The following ADGRA2 variants were observed in gnomAD, a reference collection of about 807,000 sequenced individuals.
The protein encoded by ADGRA2 is G-protein coupled receptor 124.
Under a neutral mutation model 98.7 loss-of-function variants are expected in ADGRA2, and 61 were observed. The observed-to-expected ratio is 0.62, with a 90% confidence interval of 0.50 to 0.76. ADGRA2 has a LOEUF of 0.76. Ranked by LOEUF, ADGRA2 falls within the 30% of genes least tolerant of loss-of-function variation. The probability of loss-of-function intolerance (pLI) is 0.00; values close to 1 mark genes in which losing one functional copy is unlikely to be tolerated. For synonymous variants in ADGRA2, 858 were observed against 831.5 expected (o/e 1.03, Z -0.55); for missense variants, 1,712 against 1,860.0 (o/e 0.92, Z 1.46).
At chr8:37,840,388 G>A (rs10102577) in intron 17 of ADGRA2, 122 bp downstream of exon 17, 758,794 of 1,048,956 alleles carry the variant, frequency 0.72, 277,088 homozygotes, top group East Asian at 0.91. Flanking sequence ...CAAAGACGGG[G>A]GAGGCTAGGC....
In ADGRA2 at chr8:37,841,437, G is replaced by C; in HGVS notation, c.3099G>C (p.Trp1033Cys). The C allele has an allele frequency of 6.2e-7, 1 of 1,612,968 alleles. No homozygotes were observed. The change falls in exon 19 of 19, where the codon TGG becomes TGC. Residue 1033 changes from tryptophan to cysteine, a missense_variant. Transcript: ENST00000412232. The surrounding 1 kb of genome is among the most constrained non-coding windows in gnomAD (Gnocchi z 5.0). Reference protein sequence around the residue: ...VTTHFLYLAMWACGALAVSQR... With the variant: ...VTTHFLYLAMCACGALAVSQR... Reference sequence around the variant, plus strand: ...CGCACTTCCTGTACTTGGCCATGTGGGCCTGCGGGGCTCTGGCAGTGTCCC... The same window carrying C: ...CGCACTTCCTGTACTTGGCCATGTGCGCCTGCGGGGCTCTGGCAGTGTCCC...
In ADGRA2 at chr8:37,831,450, G is replaced by T. The variant is rs1441958875; in HGVS notation, c.960G>T (p.Val320=). ...TSELTLSHIG[V]WASGEWECTV... ...AGCTGACGCTGTCTCACATCGGCGT[G>T]TGGGCCTCAGGCGAGTGGGAGTGCA... is the stretch of plus-strand genomic sequence containing the variant. The change falls in exon 8 of 19, where the codon GTG becomes GTT. Residue 320 remains valine, a synonymous_variant. Transcript: ENST00000412232. The T allele has an allele frequency of 6.2e-7, 1 of 1,612,686 alleles. No individual in the cohort carries two copies. Among genetic ancestry groups the T allele is most frequent in the South Asian group, 1.1e-5 (1 of 91,088 alleles).
intron 1 of ADGRA2, among the ~76,000 whole-genome samples, chr8:37,806,344 C>G (rs1253078226): frequency 6.6e-6 from 1 of 152,104 alleles, no homozygotes; most frequent in African/African-American, 2.4e-5. Context: ...TGGATGATTA[C>G]AGCAGACTAT....
intron 2 of ADGRA2, among the ~76,000 whole-genome samples, chr8:37,818,602 TCACCC>T (rs1805043192): frequency 6.6e-6 from 1 of 152,246 alleles, no homozygotes. Context: ...TCTGTGCTGG[TCACCC>T]CATCCATTCA....
At position 37,842,482 on chromosome 8, in the gene ADGRA2, C is replaced by G; in HGVS notation, c.*127C>G. 7.4e-7 allele frequency: 1 copy of G among 1,356,754 alleles called. No homozygotes were observed. Among genetic ancestry groups the G allele is most frequent in the Non-Finnish European group, 9.5e-7 (1 of 1,049,384 alleles). The allele number at this position is 1,356,754 out of a possible 1,614,324, so 84.0% of individuals were successfully genotyped here. ...GGAGCCGATGGCTGGAGGAAGCCCA[C>G]AGGCGGATGTTCCCCACTTGCCTAG... On this transcript the variant is annotated 3_prime_UTR_variant, in exon 19 of 19. Coordinates refer to ENST00000412232, the MANE Select transcript of ADGRA2 (RefSeq NM_032777.10).
intron 1 of ADGRA2, among the ~76,000 whole-genome samples, chr8:37,807,169 A>G (rs1804695584): frequency 6.6e-6 from 1 of 152,198 alleles, no homozygotes; most frequent in Admixed American, 6.5e-5. Context: ...CTGACCTGAC[A>G]AGCGTCCAGC....
chr8:37,801,120 A>G lies in ADGRA2; in HGVS notation c.266+3586A>G, dbSNP rs528098496. The stretch of plus-strand genomic sequence containing the variant: ...CAGAGGCGACCCCGTTCACAGTCCC[A>G]TTTACCGCATGGAAAGCCCTCCCGC... On this transcript the variant is annotated intron_variant, in intron 1 of 18. Coordinates refer to ENST00000412232, the MANE Select transcript of ADGRA2 (RefSeq NM_032777.10). Among the ~76,000 whole-genome samples the G allele has an allele frequency of 3.9e-5, 6 of 152,112 alleles. No homozygotes were observed. In the South Asian group the frequency reaches 1.2e-3, roughly 32 times the overall value.
chr8:37,840,978 C>G, intron 18 of ADGRA2, 108 bp from the exon 19 acceptor site: 1 of 1,254,358 alleles, frequency 8.0e-7, no homozygotes, highest in Non-Finnish European at 1.1e-6. Flanking sequence ...CTGACCAAGC[C>G]GTCCTTGTCT....
chr8:37,834,035 C>G lies in ADGRA2; in HGVS notation c.1515C>G (p.Ala505=). The change falls in exon 11 of 19, where the codon GCC becomes GCG. Residue 505 remains alanine, a synonymous_variant. Transcript: ENST00000412232. The surrounding 1 kb of genome is among the most constrained non-coding windows in gnomAD (Gnocchi z 4.2). ...MLVDEHLLWL[A]QREDKACSRI... ...TGGACGAGCACCTGCTGTGGCTGGC[C>G]CAGCGCGAGGACAAGGCCTGCAGCC... The G allele has an allele frequency of 6.2e-7, 1 of 1,612,978 alleles. No homozygotes were observed. Among genetic ancestry groups the G allele is most frequent in the Non-Finnish European group, 8.5e-7 (1 of 1,179,950 alleles).
chr8:37,798,221 C>G (rs150827014), intron 1 of ADGRA2, among the ~76,000 whole-genome samples: 1 of 152,230 alleles, frequency 6.6e-6, no homozygotes, highest in African/African-American at 2.4e-5. Context: ...GGTCCCGCGT[C>G]CTTGCCTCTC....
At position 37,802,371 on chromosome 8, in the gene ADGRA2, A is replaced by G. The variant is rs553678571; in HGVS notation, c.266+4837A>G. On this transcript the variant is annotated intron_variant, in intron 1 of 18. Transcript: ENST00000412232. This position sits in a 1 kb window ranked among gnomAD's most constrained non-coding sequence, Gnocchi z 4.7. ...CAGCTTTCCCCCATATGGTTCTCAT[A>G]AGGTCTGGGCGCAGAGACAGCAGCC... 2.0e-5 allele frequency among the ~76,000 whole-genome samples: 3 copies of G among 152,256 alleles called. No individual in the cohort carries two copies. The East Asian group carries it at 5.8e-4, about 29-fold the overall frequency.
chr8:37,830,527 C>T lies in ADGRA2; in HGVS notation c.719-183C>T, dbSNP rs1222203186. Among the ~76,000 whole-genome samples the T allele has an allele frequency of 6.6e-6, 1 of 152,220 alleles. No individual in the cohort carries two copies. Among genetic ancestry groups the T allele is most frequent in the African/African-American group, 2.4e-5 (1 of 41,460 alleles). On this transcript the variant is annotated intron_variant, in intron 6 of 18. Transcript: ENST00000412232. The surrounding 1 kb of genome is among the most constrained non-coding windows in gnomAD (Gnocchi z 4.8). Reference sequence around the variant, plus strand: ...GTACTTTTCTTTGTCCAAAAACCGCCTGTCCCTCCCCTTTACCCTTACCCC... The same window carrying T: ...GTACTTTTCTTTGTCCAAAAACCGCTTGTCCCTCCCCTTTACCCTTACCCC...
chr8:37,822,724 A>G (rs1024767859), intron 2 of ADGRA2, among the ~76,000 whole-genome samples: 5 of 152,186 alleles, frequency 3.3e-5, no homozygotes, highest in Non-Finnish European at 7.3e-5. Flanking sequence ...ATCATGCAAT[A>G]GGTAATCTTT....
At chr8:37,812,495 C>T (rs1158378449) in intron 1 of ADGRA2, among the ~76,000 whole-genome samples, 1 of 151,930 alleles carries the variant, frequency 6.6e-6, no homozygotes, top group East Asian at 2.0e-4. Flanking sequence ...GGCGTGGTGG[C>T]GGGCACCTGT....
intron 1 of ADGRA2, among the ~76,000 whole-genome samples, chr8:37,810,012 G>C (rs1031106319): frequency 2.2e-4 from 34 of 152,168 alleles, no homozygotes; most frequent in African/African-American, 7.5e-4. Flanking sequence ...GCCCGCAGCT[G>C]GTCTGAATTT....
At chr8:37,803,953 C>T (rs1275711410) in intron 1 of ADGRA2, among the ~76,000 whole-genome samples, 1 of 152,144 alleles carries the variant, frequency 6.6e-6, no homozygotes, top group African/African-American at 2.4e-5. Flanking sequence ...TGCCAGGGCT[C>T]CTAGCCTTGC....
intron 1 of ADGRA2, among the ~76,000 whole-genome samples, chr8:37,803,489 T>A (rs1804565545): frequency 6.6e-6 from 1 of 152,148 alleles, no homozygotes; most frequent in Non-Finnish European, 1.5e-5. Context: ...TCAGAGGGGC[T>A]GTTTATTTTC....
chr8:37,825,387 G>A (rs1805246421), intron 2 of ADGRA2, among the ~76,000 whole-genome samples: 2 of 151,780 alleles, frequency 1.3e-5, no homozygotes, highest in Non-Finnish European at 2.9e-5. Context: ...GGAATTACAG[G>A]CGCCCACCCC....
intron 1 of ADGRA2, among the ~76,000 whole-genome samples, chr8:37,804,199 C>T (rs1442779689): frequency 6.6e-6 from 1 of 151,840 alleles, no homozygotes; most frequent in African/African-American, 2.4e-5. Flanking sequence ...CTCCTGCCTC[C>T]CATCCCCTCT....
Sources: allele counts gnomAD v4.1 joint callset (sites outside exome capture counted in the v4.1 genomes callset), GRCh38; gene constraint gnomAD v4.1.1; non-coding constraint Gnocchi (gnomAD v3.1); transcripts MANE v1.5; gene names NCBI Gene and HGNC (gene_info 2026-07-23, HGNC 2026-07-21).